The following UBA5 variants were observed in gnomAD, a reference collection of about 807,000 sequenced individuals.
The protein encoded by UBA5 is ubiquitin-like modifier-activating enzyme 5.
A neutral mutation model predicts 52.9 loss-of-function variants in UBA5; 28 were observed. The ratio of observed to expected loss-of-function variants is 0.53; its 90% CI spans 0.39 to 0.73. The LOEUF (loss-of-function observed/expected upper bound fraction) is 0.73. Ranked by LOEUF, UBA5 falls within the 30% of genes least tolerant of loss-of-function variation. UBA5 has a pLI of 0.00. For synonymous variants in UBA5, 135 were observed against 162.1 expected, an observed-to-expected ratio of 0.83 and a Z score of 1.27; for missense variants, 388 against 492.7, an observed-to-expected ratio of 0.79 and a Z score of 2.01.
chr3:132,658,995 T>C (rs1937977691), upstream of UBA5, among the ~76,000 whole-genome samples: 1 of 152,182 alleles, frequency 6.6e-6, no homozygotes, highest in Admixed American at 6.5e-5. Flanking sequence ...AGTAACAATG[T>C]TATTTTTAGA....
intron 3 of UBA5, chr3:132,667,277 T>C (rs1295984101): frequency 6.6e-6 from 1 of 152,202 alleles, no homozygotes; most frequent in Admixed American, 6.5e-5. Flanking sequence ...TCTAACAAGC[T>C]TCAGGTGATG....
chr3:132,658,073 G>A (rs1937909592), upstream of UBA5, among the ~76,000 whole-genome samples: 1 of 152,038 alleles, frequency 6.6e-6, no homozygotes, highest in South Asian at 2.1e-4. Flanking sequence ...ATGTTGGCCA[G>A]GCTGGTCTTG....
rs3749272 is a variant in UBA5, at chr3:132,660,470, C to T, written c.-68C>T. On this transcript the variant is annotated 5_prime_UTR_variant, in exon 1 of 12. Coordinates refer to ENST00000356232, the MANE Select transcript of UBA5 (RefSeq NM_024818.6). The surrounding 1 kb of genome is among the most constrained non-coding windows in gnomAD (Gnocchi z 4.1). ...CCCACGTACCCCTCGCGGGCCCAGC[C>T]GAGCAACGTGGGGCGAAGGCGGCGG... 3.3e-5 allele frequency: 51 copies of T among 1,534,130 alleles called. No homozygotes were observed. The South Asian group carries it at 5.6e-4, about 17-fold the overall frequency.
At chr3:132,669,029 A>G (rs762628468) in intron 4 of UBA5, 102 bp downstream of exon 4, 24 of 811,650 alleles carry the variant, frequency 3.0e-5, no homozygotes, top group Non-Finnish European at 4.2e-5. Context: ...TATAAAATGC[A>G]GTTTTCACTT....
At position 132,660,503 on chromosome 3, in the gene UBA5, C is replaced by A; in HGVS notation, c.-35C>A. On this transcript the variant is annotated 5_prime_UTR_variant, in exon 1 of 12. Coordinates refer to ENST00000356232, the MANE Select transcript of UBA5 (RefSeq NM_024818.6). This position sits in a 1 kb window ranked among gnomAD's most constrained non-coding sequence, Gnocchi z 4.1. ...GTGGGGCGAAGGCGGCGGCGAAGGC[C>A]CGGGCTGGGAGCGTTGGCGGCCGGA... 6.5e-7 allele frequency: 1 copy of A among 1,545,092 alleles called. No individual in the cohort carries two copies. Among genetic ancestry groups the A allele is most frequent in the Non-Finnish European group, 8.7e-7 (1 of 1,146,070 alleles).
upstream of UBA5, among the ~76,000 whole-genome samples, chr3:132,657,667 C>T (rs375541929): frequency 1.3e-5 from 2 of 152,070 alleles, no homozygotes; most frequent in South Asian, 4.1e-4. Context: ...ATTTTTGATG[C>T]TCCTGTAAGT....
rs867884228 is a variant in UBA5, at chr3:132,678,128, G to C, written c.*1602G>C. ...TAGAATTCACTGTCTTCTTTTATCTGCTCTCAAGTTGGCATTGCATCACTG... is the reference window on the plus strand; with the variant it reads ...TAGAATTCACTGTCTTCTTTTATCTCCTCTCAAGTTGGCATTGCATCACTG... On this transcript the variant is annotated 3_prime_UTR_variant, in exon 12 of 12. Coordinates refer to ENST00000356232, the MANE Select transcript of UBA5 (RefSeq NM_024818.6). The C allele has an allele frequency of 6.6e-6, 1 of 152,016 alleles. No homozygotes were observed. Among genetic ancestry groups the C allele is most frequent in the East Asian group, 1.9e-4 (1 of 5,198 alleles). 9.4% of individuals were successfully genotyped at this position (152,016 alleles called of 1,614,324 possible).
intron 8 of UBA5, among the ~76,000 whole-genome samples, chr3:132,673,346 CTCT>C (rs1296483726): frequency 6.6e-6 from 1 of 151,732 alleles, no homozygotes; most frequent in Non-Finnish European, 1.5e-5. Flanking sequence ...AGATTGATCA[CTCT>C]TCTTTTTGTT....
At chr3:132,665,170 T>C (rs1442057850) in intron 1 of UBA5, among the ~76,000 whole-genome samples, 1 of 152,014 alleles carries the variant, frequency 6.6e-6, no homozygotes, top group African/African-American at 2.4e-5. Context: ...TGAAAAGAAA[T>C]AACAATGTTA....
In UBA5 at chr3:132,679,139, G is replaced by A. The variant is rs569036857; in HGVS notation, c.*2613G>A. On this transcript the variant is annotated 3_prime_UTR_variant, in exon 12 of 12. Transcript: ENST00000356232. ...AAAAATTAGCCGGGCGTGGTGGTGC[G>A]TGACTGTAATCCCAGCTACTTAGGA... is the stretch of plus-strand genomic sequence containing the variant. Among the ~76,000 whole-genome samples, 105 of 151,886 alleles carry A rather than the reference G, an allele frequency of 6.9e-4. No individual in the cohort carries two copies. The highest frequency in any genetic ancestry group is 1.2e-3 in the Non-Finnish European group (79 of 67,948).
intron 1 of UBA5, among the ~76,000 whole-genome samples, chr3:132,655,289 G>T (rs1937724616): frequency 6.6e-6 from 1 of 152,150 alleles, no homozygotes; most frequent in African/African-American, 2.4e-5. Flanking sequence ...CTCAACACAA[G>T]AAGCAGAGAT....
Position 132,675,806 on chromosome 3 carries a change from C to A in UBA5, c.1025-11C>A. 6.3e-7 allele frequency: 1 copy of A among 1,597,258 alleles called. No homozygotes were observed. Among genetic ancestry groups the A allele is most frequent in the South Asian group, 1.1e-5 (1 of 88,582 alleles). On this transcript the variant is annotated splice_polypyrimidine_tract_variant and intron_variant, in intron 10 of 11. Transcript: ENST00000356232. ...AATTCCTTAAAAACTGACATAGGAT[C>A]AAATTTACAGGTATTGAGCTGGTAT...
rs988976018 is a variant in UBA5, at chr3:132,679,705, G to A, written c.*3179G>A. Among the ~76,000 whole-genome samples, 2 of 152,018 alleles carry A rather than the reference G, an allele frequency of 1.3e-5. No individual in the cohort carries two copies. The highest frequency in any genetic ancestry group is 6.6e-5 in the Admixed American group (1 of 15,266). On this transcript the variant is annotated 3_prime_UTR_variant, in exon 12 of 12. Coordinates refer to ENST00000356232, the MANE Select transcript of UBA5 (RefSeq NM_024818.6). Reference sequence around the variant, plus strand: ...TATTTTCTAAAGCAGTTTTTCTAAGGTGATAAACCGAACACATTACTTGCT... The same window carrying A: ...TATTTTCTAAAGCAGTTTTTCTAAGATGATAAACCGAACACATTACTTGCT...
In UBA5 at chr3:132,675,958, A is replaced by G. The variant is rs575281552; in HGVS notation, c.1131+35A>G. 3.1e-5 allele frequency: 40 copies of G among 1,291,086 alleles called. 1 individual carries two copies. In the South Asian group the frequency reaches 5.4e-4, roughly 17 times the overall value. The allele number at this position is 1,291,086 out of a possible 1,614,324, so 80.0% of individuals were successfully genotyped here. A position where few individuals can be genotyped will look rare whatever the true frequency, so the allele number is the denominator to read the frequency against. Reference sequence around the variant, plus strand: ...AAATATGATTTACCCATATGTAAATATCATATAAAATATTTATCATCTTCA... The same window carrying G: ...AAATATGATTTACCCATATGTAAATGTCATATAAAATATTTATCATCTTCA... On this transcript the variant is annotated intron_variant, in intron 11 of 11. Transcript: ENST00000356232.
Position 132,660,948 on chromosome 3 carries a change from A to T in UBA5, c.161+250A>T. ...CTGTGCCTGCTGAGGACGTGTGTCC[A>T]GTTTCCTATCACCCTTGCCTCTTAA... On this transcript the variant is annotated intron_variant, in intron 1 of 11. Coordinates refer to ENST00000356232, the MANE Select transcript of UBA5 (RefSeq NM_024818.6). This position sits in a 1 kb window ranked among gnomAD's most constrained non-coding sequence, Gnocchi z 4.1. 6.7e-7 allele frequency: 1 copy of T among 1,493,866 alleles called. No homozygotes were observed. The highest frequency in any genetic ancestry group is 8.9e-7 in the Non-Finnish European group (1 of 1,122,082). The allele number at this position is 1,493,866 out of a possible 1,614,324, so 92.5% of individuals were successfully genotyped here.
At position 132,677,873 on chromosome 3, in the gene UBA5, G is replaced by C. The variant is rs1325396006; in HGVS notation, c.*1347G>C. The C allele has an allele frequency of 1.3e-5, 2 of 152,182 alleles. No individual in the cohort carries two copies. The highest frequency in any genetic ancestry group is 2.4e-5 in the African/African-American group (1 of 41,442). The allele number at this position is 152,182 out of a possible 1,614,324, so 9.4% of individuals were successfully genotyped here. ...TGTTTATAGTAAAGTCTGGAAAGCAGAAGGATAGTTTTTTTAGCCTGGAAA... is the reference window on the plus strand; with the variant it reads ...TGTTTATAGTAAAGTCTGGAAAGCACAAGGATAGTTTTTTTAGCCTGGAAA... On this transcript the variant is annotated 3_prime_UTR_variant, in exon 12 of 12. Coordinates refer to ENST00000356232, the MANE Select transcript of UBA5 (RefSeq NM_024818.6).
At chr3:132,669,936 G>T (rs1022785512) in intron 4 of UBA5, among the ~76,000 whole-genome samples, 1 of 152,154 alleles carries the variant, frequency 6.6e-6, no homozygotes, top group Non-Finnish European at 1.5e-5. Context: ...GCTTGAATTC[G>T]CTTCTCTAAG....
At position 132,671,810 on chromosome 3, in the gene UBA5, T is replaced by A. The variant is rs764929126; in HGVS notation, c.613T>A (p.Ser205Thr). 1 of 1,613,820 alleles carries A rather than the reference T, an allele frequency of 6.2e-7. No individual in the cohort carries two copies. The highest frequency in any genetic ancestry group is 1.1e-5 in the South Asian group (1 of 91,018). The change falls in exon 7 of 12, where the codon TCT (serine) becomes ACT (threonine). Residue 205 changes from serine (S) to threonine (T), a missense_variant. By Grantham distance (58) the Ser-to-Thr change is moderately conservative. This residue lies in a region of UBA5 where 277 missense variants were observed against 326.4 expected (regional missense o/e 0.85). Transcript: ENST00000356232. ...CNELGQTWMESGVSENAVSGH... is the reference protein window; with the variant it reads ...CNELGQTWMETGVSENAVSGH... ...TGAACTTGGACAAACATGGATGGAA[T>A]CTGGGGTCAGTGAAAATGCAGTTTC...
chr3:132,679,314 TCTAA>T lies in UBA5; in HGVS notation c.*2790_*2793del, dbSNP rs1938958052. Among the ~76,000 whole-genome samples, 1 of 152,110 alleles carries T rather than the reference TCTAA, an allele frequency of 6.6e-6. No individual in the cohort carries two copies. The highest frequency in any genetic ancestry group is 1.5e-5 in the Non-Finnish European group (1 of 68,012). ...TAAAAATTATAACTAGAATAAGTAC[TCTAA>T]CAATTCAGATTTATAATTGAGTTGT... On this transcript the variant is annotated 3_prime_UTR_variant, in exon 12 of 12. Transcript: ENST00000356232.
Sources: gnomAD v4.1 joint callset for allele counts (sites outside exome capture counted in the v4.1 genomes callset) on GRCh38, gnomAD v4.1.1 for gene constraint, gnomAD v4.1.1 regional missense constraint, Gnocchi (gnomAD v3.1) non-coding constraint, MANE v1.5 for transcripts, NCBI Gene and HGNC (gene_info 2026-07-23, HGNC 2026-07-21) for gene names.